BCCIP: variants seen among roughly 807,000 people sequenced by gnomAD.
BCCIP encodes the protein BRCA2 and CDKN1A-interacting protein.
Under a neutral mutation model 32.8 loss-of-function variants are expected in BCCIP, and 23 were observed. That is an observed-to-expected ratio of 0.70 (90% CI 0.51 to 0.99). The LOEUF is 0.99. BCCIP is among the 50% of genes least tolerant of loss of function. BCCIP has a pLI of 0.00. For synonymous variants in BCCIP, 144 were observed against 137.6 expected (o/e 1.05, Z -0.33); for missense variants, 378 against 379.8 (o/e 1.00, Z 0.04).
chr10:125,852,775 G>A lies in BCCIP; in HGVS notation c.851-350G>A, dbSNP rs947327431. Reference sequence around the variant, plus strand: ...TGCCACAGACTCATTTTCTTTGCACGATATTTATTATTGTTTCACTTGCCT... The same window carrying A: ...TGCCACAGACTCATTTTCTTTGCACAATATTTATTATTGTTTCACTTGCCT... On this transcript the variant is annotated intron_variant, in intron 7 of 7. Transcript: ENST00000368759. 19 of 780,548 alleles carry A rather than the reference G, an allele frequency of 2.4e-5. No individual in the cohort carries two copies. The South Asian group carries it at 3.8e-4, about 16-fold the overall frequency. 48.4% of individuals were successfully genotyped at this position (780,548 alleles called of 1,614,324 possible). A position where few individuals can be genotyped will look rare whatever the true frequency, so the allele number is the denominator to read the frequency against.
chr10:125,837,865 C>T (rs958505696), downstream of BCCIP, among the ~76,000 whole-genome samples: 11 of 152,202 alleles, frequency 7.2e-5, no homozygotes, highest in Admixed American at 2.0e-4. Flanking sequence ...TCCTCTTCCC[C>T]GACAGCTCCA....
chr10:125,827,967 GAAAAAAAAAA>G (rs11296499), intron 3 of BCCIP, among the ~76,000 whole-genome samples: 15 of 62,318 alleles, frequency 2.4e-4, no homozygotes, highest in Admixed American at 1.4e-3. Context: ...CCCTATATCT[GAAAAAAAAAA>G]AAAAAAAAAA....
rs1166114694 is a variant in BCCIP, at chr10:125,831,569, C to G, written c.561C>G (p.Val187=). 13 of 1,614,042 alleles carry G rather than the reference C, an allele frequency of 8.1e-6. No homozygotes were observed. In the Admixed American group the frequency reaches 1.3e-4, roughly 17 times the overall value. ...TCCTAAGTGAAAGATTCATTAATGT[C>G]CCTCCACAGATCGCTCTGCCCATGT... The part of the protein sequence containing the change: ...GLLLSERFIN[V]PPQIALPMYQ... The change falls in exon 5 of 7, where the codon GTC becomes GTG. Residue 187 remains valine (V), a synonymous_variant. Transcript: ENST00000278100.
At position 125,836,385 on chromosome 10, in the gene BCCIP, G is replaced by C; in HGVS notation, c.*111G>C. The stretch of plus-strand genomic sequence containing the variant: ...TTCAGATTAAGTTCCTCTACAAAAA[G>C]TAGGGTTCTGTCCCATGTGTCTCTG... On this transcript the variant is annotated 3_prime_UTR_variant, in exon 7 of 7. Coordinates refer to ENST00000278100, the MANE Select transcript of BCCIP (RefSeq NM_078468.3). The C allele has an allele frequency of 6.4e-7, 1 of 1,551,450 alleles. No homozygotes were observed. Among genetic ancestry groups the C allele is most frequent in the Non-Finnish European group, 8.7e-7 (1 of 1,151,812 alleles).
At chr10:125,835,004 G>GGA (rs1854626401) in intron 6 of BCCIP, among the ~76,000 whole-genome samples, 3 of 149,016 alleles carry the variant, frequency 2.0e-5, no homozygotes, top group African/African-American at 7.4e-5. Flanking sequence ...GTGGTGGCAC[G>GGA]TGCCTGTAGT....
At chr10:125,832,089 T>C (rs1165245351) in intron 5 of BCCIP, among the ~76,000 whole-genome samples, 3 of 152,262 alleles carry the variant, frequency 2.0e-5, no homozygotes, top group Non-Finnish European at 4.4e-5. Flanking sequence ...CAAAAATATT[T>C]CAAATGTAGC....
intron 7 of BCCIP, among the ~76,000 whole-genome samples, chr10:125,849,660 G>A (rs1944065565): frequency 1.3e-5 from 2 of 152,236 alleles, no homozygotes; most frequent in Admixed American, 1.3e-4. Flanking sequence ...CACTGCGGCA[G>A]AGCTATGGGG....
chr10:125,833,071 G>A (rs1418922221), intron 5 of BCCIP, among the ~76,000 whole-genome samples: 1 of 151,196 alleles, frequency 6.6e-6, no homozygotes, highest in Admixed American at 6.6e-5. Context: ...GCAGTGAGCC[G>A]AGATTGTGCC....
chr10:125,828,443 C>T (rs2134008328), intron 3 of BCCIP, among the ~76,000 whole-genome samples: 1 of 152,114 alleles, frequency 6.6e-6, no homozygotes, highest in South Asian at 2.1e-4. Flanking sequence ...TTAGTAATAC[C>T]AAGAATACTT....
At chr10:125,827,163 AGTCATATAACT>A (rs1438284012) in intron 2 of BCCIP, among the ~76,000 whole-genome samples, 2 of 151,874 alleles carry the variant, frequency 1.3e-5, no homozygotes, top group African/African-American at 2.4e-5. Context: ...CTTATGTAAC[AGTCATATAACT>A]GTGCTGTTTG....
intron 4 of BCCIP, 125 bp from the exon 5 acceptor site, chr10:125,831,295 G>T: frequency 1.2e-6 from 1 of 829,284 alleles, no homozygotes; most frequent in Non-Finnish European, 1.9e-6. Flanking sequence ...AGACATACAA[G>T]ACGTTAAGGC....
chr10:125,844,643 A>C (rs949063159), downstream of BCCIP, among the ~76,000 whole-genome samples: 1 of 152,226 alleles, frequency 6.6e-6, no homozygotes, highest in Admixed American at 6.5e-5. Flanking sequence ...GTGGCCCATA[A>C]ACTTGCTTAG....
chr10:125,851,179 T>G (rs907419156), intron 7 of BCCIP, among the ~76,000 whole-genome samples: 6 of 152,228 alleles, frequency 3.9e-5, no homozygotes, highest in African/African-American at 1.4e-4. Flanking sequence ...CAATTATAAG[T>G]TGAATTAAAT....
intron 5 of BCCIP, among the ~76,000 whole-genome samples, chr10:125,832,814 CT>C (rs761671587): frequency 8.2e-4 from 96 of 116,780 alleles, no homozygotes; most frequent in Middle Eastern, 5.6e-3. Context: ...TTTTTTTTTT[CT>C]TTTTTTTTTT....
At chr10:125,838,921 C>T, downstream of BCCIP, 1 of 1,418,056 alleles carries the variant, frequency 7.1e-7, no homozygotes, top group Non-Finnish European at 9.6e-7. Flanking sequence ...AAATCATCAT[C>T]CTAAGCCATT....
intron 1 of BCCIP, among the ~76,000 whole-genome samples, chr10:125,824,990 ATG>A (rs527979491): frequency 1.6e-4 from 24 of 152,264 alleles, no homozygotes; most frequent in Non-Finnish European, 3.4e-4. Context: ...TGGTGTGGGT[ATG>A]TGATCAATCT....
At chr10:125,838,431 G>A (rs1339572494), downstream of BCCIP, 6 of 1,477,206 alleles carry the variant, frequency 4.1e-6, no homozygotes, top group African/African-American at 1.4e-5. Flanking sequence ...GTATTAATAT[G>A]GAGATCATTA....
At position 125,830,420 on chromosome 10, in the gene BCCIP, TG is replaced by T. The variant is rs1854495579; in HGVS notation, c.322-141del. On this transcript the variant is annotated intron_variant, in intron 3 of 6. Coordinates refer to ENST00000278100, the MANE Select transcript of BCCIP (RefSeq NM_078468.3). ...AACTGTGACAGTATTTAAAATACAA[TG>T]CTTTCTAAGATGGCGGTGGTAAAAC... 2.2e-5 allele frequency: 11 copies of T among 490,406 alleles called. No homozygotes were observed. The East Asian group carries it at 3.6e-4, about 16-fold the overall frequency. 30.4% of individuals were successfully genotyped at this position (490,406 alleles called of 1,614,324 possible).
chr10:125,850,354 CTTTTTTTTT>C (rs765077777), intron 7 of BCCIP, among the ~76,000 whole-genome samples: 11 of 124,564 alleles, frequency 8.8e-5, no homozygotes, highest in African/African-American at 2.5e-4. Flanking sequence ...TTCTTTCTTT[CTTTTTTTTT>C]TTTTTTTTTT....
Sources: allele counts gnomAD v4.1 joint callset (sites outside exome capture counted in the v4.1 genomes callset), GRCh38; gene constraint gnomAD v4.1.1; transcripts MANE v1.5; gene names NCBI Gene and HGNC (gene_info 2026-07-23, HGNC 2026-07-21).